Variants in CRB1 observed in about 807,000 individuals in gnomAD.
The protein encoded by CRB1 is crumbs cell polarity complex component 1, also known as protein crumbs homolog 1.
A neutral mutation model predicts 120.0 loss-of-function variants in CRB1; 83 were observed. The observed-to-expected ratio is 0.69, with a 90% CI of 0.58 to 0.83. The LOEUF is 0.83. Among genes scored for constraint, CRB1 ranks in the 40% least tolerant of loss-of-function variants. The pLI is 0.00. For missense variants in CRB1, 1,699 were observed against 1,687.6 expected (o/e 1.01, Z -0.12); for synonymous variants, 625 against 612.5 (o/e 1.02, Z -0.30).
At chr1:197,357,898 C>T (rs1231978488) in intron 5 of CRB1, 1 of 152,190 alleles carries the variant, frequency 6.6e-6, no homozygotes, top group Non-Finnish European at 1.5e-5. Flanking sequence ...TCCTTATTCA[C>T]TGACCTTTCA....
At chr1:197,208,894 G>T in the CRB1 span, among the ~76,000 whole-genome samples, 1 of 152,152 alleles carries the variant, frequency 6.6e-6, no homozygotes, top group African/African-American at 2.4e-5. Flanking sequence ...TCCTTGGTCA[G>T]TGTTTGCTGT....
chr1:197,275,245 C>T (rs1655137477), intron 1 of CRB1, among the ~76,000 whole-genome samples: 1 of 151,988 alleles, frequency 6.6e-6, no homozygotes, highest in Non-Finnish European at 1.5e-5. Flanking sequence ...AATAAGGGCA[C>T]ATTCACAGGT....
At chr1:197,287,927 A>G (rs546062971) in intron 1 of CRB1, among the ~76,000 whole-genome samples, 14 of 151,988 alleles carry the variant, frequency 9.2e-5, no homozygotes, top group African/African-American at 3.4e-4. Context: ...TTTCCGAGAC[A>G]TCAGCTATCA....
chr1:197,241,284 G>A, the CRB1 span, among the ~76,000 whole-genome samples: 10 of 152,286 alleles, frequency 6.6e-5, no homozygotes, highest in South Asian at 2.1e-4. Flanking sequence ...CCATGCCTAC[G>A]TCCTGAATGG....
chr1:197,471,439 A>C lies in CRB1; in HGVS notation c.4006-6225A>C, dbSNP rs138703357. Among the ~76,000 whole-genome samples the C allele has an allele frequency of 1.5e-3, 221 of 152,246 alleles. 4 individuals are homozygous for C. Among genetic ancestry groups the C allele is most frequent in the African/African-American group, 5.2e-3 (215 of 41,554 alleles). On this transcript the variant is annotated intron_variant, in intron 11 of 11. Coordinates refer to ENST00000367400, the MANE Select transcript of CRB1 (RefSeq NM_201253.3). ...TGGGAGAAGCAGAGCAGCCAGATGA[A>C]GAGATGGGGCAGTGCCAAGGAGAAA...
chr1:197,425,817 T>G (rs76505423), intron 6 of CRB1, among the ~76,000 whole-genome samples: 1,894 of 152,192 alleles, frequency 0.012, 18 homozygotes, highest in Non-Finnish European at 0.021. Context: ...TTTCTCTATA[T>G]ATACTCATTC....
chr1:197,391,489 A>C (rs1415220300), intron 5 of CRB1, among the ~76,000 whole-genome samples: 1 of 152,130 alleles, frequency 6.6e-6, no homozygotes, highest in East Asian at 1.9e-4. Flanking sequence ...TGTCACTGTA[A>C]TGGAAGATGA....
chr1:197,473,175 T>G (rs533699654), intron 11 of CRB1, among the ~76,000 whole-genome samples: 140 of 152,292 alleles, frequency 9.2e-4, no homozygotes, highest in Admixed American at 1.8e-3. Context: ...ACAGTATATG[T>G]AGGCTAAGTA....
chr1:197,412,482 C>T (rs536259675), intron 5 of CRB1, among the ~76,000 whole-genome samples: 1 of 152,290 alleles, frequency 6.6e-6, no homozygotes, highest in East Asian at 1.9e-4. Flanking sequence ...AAGTCAGTGT[C>T]ATAGTCTGAC....
rs80347773 is a variant in CRB1 at position 197,459,394 on chromosome 1, A to C, written c.4005+17102A>C. On this transcript the variant is annotated intron_variant, in intron 11 of 11. Coordinates refer to ENST00000367400, the MANE Select transcript of CRB1 (RefSeq NM_201253.3). ...GCCATTGACTGGGTAACTTTTAAACAACAGAAGGGTATTAGTACTGGAGGC... is the reference window on the plus strand; with the variant it reads ...GCCATTGACTGGGTAACTTTTAAACCACAGAAGGGTATTAGTACTGGAGGC... 7.2e-4 allele frequency among the ~76,000 whole-genome samples: 109 copies of C among 152,228 alleles called. No individual in the cohort carries two copies. The East Asian group carries it at 0.02, about 28-fold the overall frequency.
rs533823797 is a variant in CRB1, at chr1:197,281,063, T to G, written c.70+12581T>G. Among the ~76,000 whole-genome samples the G allele has an allele frequency of 1.2e-4, 19 of 152,016 alleles. No homozygotes were observed. In the South Asian group the frequency reaches 3.9e-3, roughly 32 times the overall value. On this transcript the variant is annotated intron_variant, in intron 1 of 11. Coordinates refer to ENST00000367400, the MANE Select transcript of CRB1 (RefSeq NM_201253.3). Reference sequence around the variant, plus strand: ...AATTTAAAAAATAAGTCTTAGTAATTGTGATGCATGTCATTTACAGACTAG... The same window carrying G: ...AATTTAAAAAATAAGTCTTAGTAATGGTGATGCATGTCATTTACAGACTAG...
chr1:197,316,479 G>A (rs1373783657), intron 1 of CRB1, among the ~76,000 whole-genome samples: 1 of 152,050 alleles, frequency 6.6e-6, no homozygotes, highest in Non-Finnish European at 1.5e-5. Flanking sequence ...CACCGCGCCC[G>A]TCCCAGATTT....
chr1:197,357,852 G>A (rs1229458277), intron 5 of CRB1: 1 of 152,118 alleles, frequency 6.6e-6, no homozygotes, highest in Non-Finnish European at 1.5e-5. Context: ...ATTTGTGGCA[G>A]TGTTTGCTGC....
At chr1:197,354,396 G>A (rs998519272) in intron 4 of CRB1, among the ~76,000 whole-genome samples, 1 of 152,178 alleles carries the variant, frequency 6.6e-6, no homozygotes, top group South Asian at 2.1e-4. Flanking sequence ...TGAAGCCACA[G>A]ACCCTCGCAG....
Position 197,421,068 on chromosome 1 carries a change from AACTTGCCTGGGAATTAT to A in CRB1, c.1248_1264del (p.Gly417LeufsTer4). 2 of 1,614,206 alleles carry A rather than the reference AACTTGCCTGGGAATTAT, an allele frequency of 1.2e-6. No homozygotes were observed. ...TTGCCAAAATGGTGGTACTTGTGAG[AACTTGCCTGGGAATTAT>A]ACTTGCCATTGCCCATTTGATAACC... On this transcript the variant is annotated frameshift_variant, in exon 6 of 12. Transcript: ENST00000367400. LOFTEE classifies it high-confidence loss of function.
intron 9 of CRB1, 108 bp downstream of exon 9, chr1:197,435,720 G>A: frequency 2.0e-6 from 2 of 978,612 alleles, no homozygotes; most frequent in Non-Finnish European, 3.1e-6. Context: ...ATACTGTGCT[G>A]AACAGGGTGA....
At chr1:197,348,529 T>G (rs560978229) in intron 4 of CRB1, among the ~76,000 whole-genome samples, 1 of 152,358 alleles carries the variant, frequency 6.6e-6, no homozygotes, top group African/African-American at 2.4e-5. Flanking sequence ...CAGGCTGGAA[T>G]GCAGTGGTGT....
intron 5 of CRB1, among the ~76,000 whole-genome samples, chr1:197,378,980 G>A (rs1661794077): frequency 6.6e-6 from 1 of 152,088 alleles, no homozygotes; most frequent in Non-Finnish European, 1.5e-5. Context: ...AGTGACAGAG[G>A]CAAAATTCAG....
intron 5 of CRB1, among the ~76,000 whole-genome samples, chr1:197,415,224 T>A (rs1663917188): frequency 6.6e-6 from 1 of 152,178 alleles, no homozygotes. Flanking sequence ...GAAATAAACA[T>A]CTTATTTCAA....
Sources: allele counts gnomAD v4.1 joint callset (sites outside exome capture counted in the v4.1 genomes callset), GRCh38; gene constraint gnomAD v4.1.1; transcripts MANE v1.5; gene names NCBI Gene and HGNC (gene_info 2026-07-23, HGNC 2026-07-21).